Variants in C3orf38 observed in about 807,000 individuals in gnomAD.
C3orf38 encodes the protein chromosome 3 open reading frame 38.
C3orf38 carries 18 observed loss-of-function variants against 28.3 expected under a neutral mutation model. That is an observed-to-expected ratio of 0.64 (90% CI 0.44 to 0.94). The LOEUF is 0.94. C3orf38 is among the 40% of genes least tolerant of loss of function. The probability of loss-of-function intolerance (pLI) is 0.00; values close to 1 mark genes in which losing one functional copy is unlikely to be tolerated. For missense variants in C3orf38, 364 were observed against 396.4 expected (o/e 0.92, Z 0.69); for synonymous variants, 145 against 138.1 (o/e 1.05, Z -0.35).
intron 1 of C3orf38, 21 bp from the exon 2 acceptor site, chr3:88,153,209 A>T: frequency 6.3e-7 from 1 of 1,593,862 alleles, no homozygotes; most frequent in Admixed American, 1.8e-5. Context: ...TTTTTTATTA[A>T]TCTTTGCAAT....
chr3:88,151,344 G>T (rs1707409623), intron 1 of C3orf38, among the ~76,000 whole-genome samples: 1 of 152,032 alleles, frequency 6.6e-6, no homozygotes, highest in Admixed American at 6.5e-5. Flanking sequence ...TAAACTTCAA[G>T]TGTTCATGAT....
Position 88,150,001 on chromosome 3 carries a change from T to G in C3orf38, c.-52T>G, listed in dbSNP as rs1576367821. ...TGTCTGTTGCCAGGCGCGGGCCCAG[T>G]GGGCCGTAGGGGCGACATTGTTGCC... On this transcript the variant is annotated 5_prime_UTR_variant, in exon 1 of 3. Coordinates refer to ENST00000318887, the MANE Select transcript of C3orf38 (RefSeq NM_173824.4). The G allele has an allele frequency of 6.2e-7, 1 of 1,610,634 alleles. No individual in the cohort carries two copies. Among genetic ancestry groups the G allele is most frequent in the Non-Finnish European group, 8.5e-7 (1 of 1,178,298 alleles).
intron 2 of C3orf38, among the ~76,000 whole-genome samples, chr3:88,154,473 G>A (rs1341313072): frequency 2.6e-5 from 4 of 151,616 alleles, no homozygotes; most frequent in African/African-American, 9.7e-5. Flanking sequence ...GTACATTTTA[G>A]ATACTGCACA....
intron 2 of C3orf38, among the ~76,000 whole-genome samples, chr3:88,155,015 A>C (rs1195927437): frequency 6.6e-6 from 1 of 152,038 alleles, no homozygotes; most frequent in Non-Finnish European, 1.5e-5. Flanking sequence ...ATGCGCCACT[A>C]CACTCAGCTA....
At position 88,153,490 on chromosome 3, in the gene C3orf38, T is replaced by C. The variant is rs778283412; in HGVS notation, c.375+19T>C. The C allele has an allele frequency of 1.6e-5, 26 of 1,612,694 alleles. No homozygotes were observed. In the Middle Eastern group the frequency reaches 4.9e-4, roughly 31 times the overall value. On this transcript the variant is annotated intron_variant, in intron 2 of 2. Transcript: ENST00000318887. ...TCAACAGGTAAAATAAATCTTATGG[T>C]TGTATTCTGAACCTTTGTTCTGTCT...
chr3:88,155,028 T>A (rs1707460627), intron 2 of C3orf38, among the ~76,000 whole-genome samples: 1 of 151,916 alleles, frequency 6.6e-6, no homozygotes, highest in Non-Finnish European at 1.5e-5. Context: ...CTCAGCTAAT[T>A]TTTGTGTTTT....
chr3:88,155,015 A>G (rs1195927437), intron 2 of C3orf38, among the ~76,000 whole-genome samples: 1 of 152,038 alleles, frequency 6.6e-6, no homozygotes, highest in Non-Finnish European at 1.5e-5. Flanking sequence ...ATGCGCCACT[A>G]CACTCAGCTA....
At chr3:88,152,754 CAAAAA>C (rs5850832) in intron 1 of C3orf38, among the ~76,000 whole-genome samples, 3 of 100,982 alleles carry the variant, frequency 3.0e-5, no homozygotes, top group African/African-American at 3.8e-5. Flanking sequence ...GACTCCGTCT[CAAAAA>C]AAAAAAAAAA....
rs1338087236 is a variant in C3orf38, at chr3:88,156,462, C to A, written c.817C>A (p.Leu273Met). The A allele has an allele frequency of 1.2e-6, 2 of 1,614,140 alleles. No individual in the cohort carries two copies. The highest frequency in any genetic ancestry group is 2.2e-5 in the South Asian group (2 of 91,082). The change falls in exon 3 of 3, where the codon CTG becomes ATG. Residue 273 changes from leucine (L) to methionine (M), a missense_variant. Physicochemically the swap from Leu to Met is conservative, Grantham distance 15 (BLOSUM62 2). Transcript: ENST00000318887. ...ENTWKIKFIN[L>M]KIMGESSLAP... ...TACTTGGAAAATCAAATTTATCAAC[C>A]TGAAAATTATGGGAGAGAGTTCCCT...
intron 1 of C3orf38, chr3:88,150,875 T>C (rs905058778): frequency 2.0e-5 from 3 of 152,220 alleles, no homozygotes; most frequent in African/African-American, 4.8e-5. Flanking sequence ...TGATTATCTT[T>C]AAAAGATTCT....
In C3orf38 at chr3:88,156,429, G is replaced by A. The variant is rs146014849; in HGVS notation, c.784G>A (p.Val262Met). 2 of 1,614,066 alleles carry A rather than the reference G, an allele frequency of 1.2e-6. No individual in the cohort carries two copies. The highest frequency in any genetic ancestry group is 1.3e-5 in the African/African-American group (1 of 74,922). Residue 262 changes from valine (V) to methionine (M), a missense_variant, in exon 3 of 3, where the codon GTG becomes ATG. Coordinates refer to ENST00000318887, the MANE Select transcript of C3orf38 (RefSeq NM_173824.4). ...QIFGLIRCPF[V>M]ENTWKIKFIN... ...TTTTGGACTCATCCGCTGCCCTTTTGTGGAGAATACTTGGAAAATCAAATT... is the reference window on the plus strand; with the variant it reads ...TTTTGGACTCATCCGCTGCCCTTTTATGGAGAATACTTGGAAAATCAAATT...
rs1359409381 is a variant in C3orf38 at position 88,156,839 on chromosome 3, G to C, written c.*204G>C. On this transcript the variant is annotated 3_prime_UTR_variant, in exon 3 of 3. Transcript: ENST00000318887. ...TCTGGACTACAGACTTACATATCAT[G>C]TGAATACTTACCTATTTCTACCCGA... The C allele has an allele frequency of 1.9e-6, 1 of 529,130 alleles. No individual in the cohort carries two copies. The highest frequency in any genetic ancestry group is 3.7e-5 in the Admixed American group (1 of 27,234). The allele number at this position is 529,130 out of a possible 1,614,324, so 32.8% of individuals were successfully genotyped here.
chr3:88,153,255 C>G lies in C3orf38; in HGVS notation c.159C>G (p.Tyr53Ter). ...ATGCTGTTCATGCAATATTAGCATA[C>G]AGTCAAAGTGCAGAAGAACTTCTGA... ...RQDAVHAILA[Y>*]SQSAEELLRR... Residue 53 changes from tyrosine to a stop codon, truncating the protein, a stop_gained, in exon 2 of 3, where the codon TAC (tyrosine) becomes TAG (stop). Transcript: ENST00000318887. LOFTEE classifies it high-confidence loss of function. 1.2e-6 allele frequency: 2 copies of G among 1,613,032 alleles called. No individual in the cohort carries two copies. The highest frequency in any genetic ancestry group is 1.3e-5 in the African/African-American group (1 of 74,848).
In C3orf38 at chr3:88,156,381, T is replaced by C; in HGVS notation, c.736T>C (p.Cys246Arg). Residue 246 changes from cysteine to arginine, a missense_variant, in exon 3 of 3, where the codon TGT becomes CGT. Coordinates refer to ENST00000318887, the MANE Select transcript of C3orf38 (RefSeq NM_173824.4). ...TGGGACTGTCCATCGAGGAAACACT[T>C]GTTTGGGCATTTTTGAACAAATTTT... Reference protein sequence around the residue: ...VAGTVHRGNTCLGIFEQIFGL... With the variant: ...VAGTVHRGNTRLGIFEQIFGL... The C allele has an allele frequency of 4.3e-6, 7 of 1,614,190 alleles. No homozygotes were observed. Among genetic ancestry groups the C allele is most frequent in the Non-Finnish European group, 5.9e-6 (7 of 1,180,044 alleles).
In C3orf38 at chr3:88,150,112, A is replaced by G. The variant is rs1177864053; in HGVS notation, c.60A>G (p.Leu20=). Residue 20 remains leucine, a synonymous_variant, in exon 1 of 3, where the codon CTA becomes CTG. Coordinates refer to ENST00000318887, the MANE Select transcript of C3orf38 (RefSeq NM_173824.4). The part of the protein sequence containing the change: ...EMEGCRNLLG[L]LDNDEIMALC... Reference sequence around the variant, plus strand: ...AGGGCTGCCGTAACCTACTTGGCCTACTGGACAACGACGAGATCATGGCCC... The same window carrying G: ...AGGGCTGCCGTAACCTACTTGGCCTGCTGGACAACGACGAGATCATGGCCC... 1.9e-6 allele frequency: 3 copies of G among 1,613,930 alleles called. No homozygotes were observed. The highest frequency in any genetic ancestry group is 2.7e-5 in the African/African-American group (2 of 74,902).
chr3:88,157,790 C>T lies in C3orf38; in HGVS notation c.*1155C>T, dbSNP rs1281671252. 1 of 151,966 alleles carries T rather than the reference C, an allele frequency of 6.6e-6. No individual in the cohort carries two copies. The highest frequency in any genetic ancestry group is 1.5e-5 in the Non-Finnish European group (1 of 67,980). The allele number at this position is 151,966 out of a possible 1,614,324, so 9.4% of individuals were successfully genotyped here. A position where few individuals can be genotyped will look rare whatever the true frequency, so the allele number is the denominator to read the frequency against. On this transcript the variant is annotated 3_prime_UTR_variant, in exon 3 of 3. Transcript: ENST00000318887. The stretch of plus-strand genomic sequence containing the variant: ...TTGGGAAATGTGATGACGTATTGTA[C>T]ATGTTACTTTTTCCTTTGCTATAAT...
intron 2 of C3orf38, among the ~76,000 whole-genome samples, chr3:88,155,177 T>C (rs1050980554): frequency 6.6e-6 from 1 of 151,854 alleles, no homozygotes; most frequent in African/African-American, 2.4e-5. Flanking sequence ...ACATTTTCTG[T>C]GAAAAAAGAG....
At chr3:88,155,119 C>T (rs1356249567) in intron 2 of C3orf38, among the ~76,000 whole-genome samples, 1 of 152,068 alleles carries the variant, frequency 6.6e-6, no homozygotes, top group Non-Finnish European at 1.5e-5. Context: ...CTCAGCCTCC[C>T]AAAGTGCCGG....
chr3:88,150,722 A>T (rs1355584614), intron 1 of C3orf38: 2 of 152,974 alleles, frequency 1.3e-5, no homozygotes, highest in African/African-American at 4.8e-5. Flanking sequence ...TTTAAGGGGT[A>T]TTAGTGCTAA....
Sources: allele counts gnomAD v4.1 joint callset (sites outside exome capture counted in the v4.1 genomes callset), GRCh38; gene constraint gnomAD v4.1.1; transcripts MANE v1.5; gene names NCBI Gene and HGNC (gene_info 2026-07-23, HGNC 2026-07-21).